Variants in LINC00305 observed in about 807,000 individuals in gnomAD.
LINC00305 encodes the protein long intergenic non-protein coding RNA 305.
chr18:64,137,758 A>G (rs1487141218), intron 1 of LINC00305, among the ~76,000 whole-genome samples: 1 of 152,130 alleles, frequency 6.6e-6, no homozygotes, highest in African/African-American at 2.4e-5. Flanking sequence ...TCAGTTATAC[A>G]ACGTTTAGAG....
At chr18:64,082,403 T>C (rs2051188461) in intron 3 of LINC00305, among the ~76,000 whole-genome samples, 1 of 152,114 alleles carries the variant, frequency 6.6e-6, no homozygotes, top group South Asian at 2.1e-4. Context: ...TTAAAAAACC[T>C]CAGTCTCCAC....
intron 1 of LINC00305, among the ~76,000 whole-genome samples, chr18:64,102,926 T>C (rs1400573): frequency 6.6e-6 from 1 of 152,078 alleles, no homozygotes; most frequent in Non-Finnish European, 1.5e-5. Flanking sequence ...GGAGATTGCA[T>C]CTGAACGTGA....
intron 1 of LINC00305, among the ~76,000 whole-genome samples, chr18:64,137,122 G>T (rs1377342803): frequency 6.6e-6 from 1 of 152,154 alleles, no homozygotes; most frequent in African/African-American, 2.4e-5. Context: ...CTAAGGGAGA[G>T]GATAGGGGAA....
intron 1 of LINC00305, among the ~76,000 whole-genome samples, chr18:64,106,915 G>A (rs2051293281): frequency 6.6e-6 from 1 of 152,166 alleles, no homozygotes; most frequent in Non-Finnish European, 1.5e-5. Flanking sequence ...TGGTTACCTT[G>A]GAGGATGATA....
intron 1 of LINC00305, among the ~76,000 whole-genome samples, chr18:64,141,729 A>G (rs186084206): frequency 1.3e-5 from 2 of 152,350 alleles, no homozygotes; most frequent in African/African-American, 4.8e-5. Context: ...GAGTTCTTCG[A>G]TTCAATTCTG....
intron 3 of LINC00305, among the ~76,000 whole-genome samples, chr18:64,082,598 C>G (rs1300001890): frequency 6.6e-6 from 1 of 152,224 alleles, no homozygotes; most frequent in Non-Finnish European, 1.5e-5. Context: ...TTGCACAAAG[C>G]TTAACCAGGA....
intron 3 of LINC00305, among the ~76,000 whole-genome samples, chr18:64,087,404 A>C (rs1179772202): frequency 6.6e-6 from 1 of 152,218 alleles, no homozygotes; most frequent in Non-Finnish European, 1.5e-5. Context: ...TGGTTAGTAA[A>C]ATTAAACTGA....
chr18:64,111,483 C>T (rs868319762), intron 1 of LINC00305, among the ~76,000 whole-genome samples: 4 of 152,092 alleles, frequency 2.6e-5, no homozygotes, highest in Admixed American at 6.5e-5. Flanking sequence ...TCCCTGATAC[C>T]CTGTCATTTT....
chr18:64,121,863 A>G (rs956152962), intron 1 of LINC00305, among the ~76,000 whole-genome samples: 7 of 152,044 alleles, frequency 4.6e-5, no homozygotes, highest in Admixed American at 3.9e-4. Context: ...GTTATACATT[A>G]TCTTTTCAAT....
chr18:64,087,857 C>T (rs888867880), intron 3 of LINC00305, among the ~76,000 whole-genome samples: 2 of 151,390 alleles, frequency 1.3e-5, no homozygotes, highest in Non-Finnish European at 2.9e-5. Flanking sequence ...TTTGGGAGGC[C>T]GAGGCGGATG....
At chr18:64,131,635 T>C (rs750707962) in intron 1 of LINC00305, among the ~76,000 whole-genome samples, 1 of 152,220 alleles carries the variant, frequency 6.6e-6, no homozygotes, top group Non-Finnish European at 1.5e-5. Context: ...ATTTATATAA[T>C]GGTTTCTCAC....
At chr18:64,085,051 T>C (rs1052782898) in intron 3 of LINC00305, among the ~76,000 whole-genome samples, 4 of 152,092 alleles carry the variant, frequency 2.6e-5, no homozygotes, top group African/African-American at 9.7e-5. Flanking sequence ...TACGAAAAAA[T>C]TGTGGATGTG....
chr18:64,110,319 TTC>T (rs1266132017), intron 1 of LINC00305, among the ~76,000 whole-genome samples: 2 of 152,236 alleles, frequency 1.3e-5, no homozygotes, highest in African/African-American at 4.8e-5. Flanking sequence ...AGTTGCATTT[TTC>T]TGAGAAAACT....
intron 1 of LINC00305, among the ~76,000 whole-genome samples, chr18:64,145,211 A>G (rs1360605792): frequency 3.3e-5 from 5 of 152,194 alleles, no homozygotes; most frequent in Admixed American, 6.5e-5. Flanking sequence ...GAAATTACTG[A>G]TGCACACACT....
At chr18:64,122,375 T>C (rs1050790115) in intron 1 of LINC00305, among the ~76,000 whole-genome samples, 2 of 152,044 alleles carry the variant, frequency 1.3e-5, no homozygotes, top group Admixed American at 1.3e-4. Flanking sequence ...CAGTGAAAGA[T>C]AGGGGTTCAG....
rs116442885 is a variant in LINC00305, at chr18:64,090,831, G to C, written n.540+7003C>G. On this transcript the variant is annotated intron_variant and non_coding_transcript_variant, in intron 3 of 3. Coordinates refer to ENST00000666468, the Ensembl canonical transcript of LINC00305. ...TTAAATGCAAATATTAGAGCATTTA[G>C]CTTGTGTGTGGAATCACTGACATGA... Among the ~76,000 whole-genome samples, 530 of 152,248 alleles carry C rather than the reference G, an allele frequency of 3.5e-3. 4 individuals carry two copies. The highest frequency in any genetic ancestry group is 0.012 in the African/African-American group (512 of 41,536).
In LINC00305 at chr18:64,138,955, A is replaced by C. The variant is rs188956841; in HGVS notation, n.314+9820T>G. 3.3e-4 allele frequency among the ~76,000 whole-genome samples: 51 copies of C among 152,318 alleles called. No individual in the cohort carries two copies. The East Asian group carries it at 8.7e-3, about 26-fold the overall frequency. The stretch of plus-strand genomic sequence containing the variant: ...GCGGGGCACAGCCGATAACCAGTGC[A>C]TGCAGACGGTATCAGTAAAAACTGT... On this transcript the variant is annotated intron_variant and non_coding_transcript_variant, in intron 1 of 3. Coordinates refer to ENST00000666468, the Ensembl canonical transcript of LINC00305.
chr18:64,098,750 A>T (rs980305012), intron 1 of LINC00305: 1 of 327,778 alleles, frequency 3.1e-6, no homozygotes, highest in African/African-American at 2.2e-5. Flanking sequence ...TGTGTGAATC[A>T]GTGCTCATCT....
chr18:64,146,763 A>C (rs1224490133), intron 1 of LINC00305, among the ~76,000 whole-genome samples: 1 of 152,182 alleles, frequency 6.6e-6, no homozygotes, highest in Non-Finnish European at 1.5e-5. Context: ...GTTTTAACAC[A>C]TGCTGTGGGG....
Sources: allele counts gnomAD v4.1 joint callset (sites outside exome capture counted in the v4.1 genomes callset), GRCh38; gene constraint gnomAD v4.1.1; transcripts MANE v1.5; gene names NCBI Gene and HGNC (gene_info 2026-07-23, HGNC 2026-07-21).